The following MTSS2 variants were observed in gnomAD, a reference collection of about 807,000 sequenced individuals.
MTSS2 encodes the protein protein MTSS 2.
In MTSS2, 27 loss-of-function variants were observed where a neutral mutation model predicts 67.1. That is an observed-to-expected ratio of 0.40 (90% CI 0.30 to 0.55). MTSS2 has a LOEUF of 0.55. Among genes scored for constraint, MTSS2 ranks in the 20% least tolerant of loss-of-function variants. The pLI is 0.43. For missense variants in MTSS2, 1,171 were observed against 1,067.8 expected, an observed-to-expected ratio of 1.10 and a Z score of -1.35; for synonymous variants, 624 against 468.6, an observed-to-expected ratio of 1.33 and a Z score of -4.28.
chr16:70,672,341 C>CAAAAAAAAAAAAAA (rs11297993), intron 11 of MTSS2, among the ~76,000 whole-genome samples: 1 of 80,866 alleles, frequency 1.2e-5, no homozygotes. Flanking sequence ...GAGCAAAATT[C>CAAAAAAAAAAAAAA]AAAAAAAAAA....
At chr16:70,667,468 C>CA (rs943059677) in intron 11 of MTSS2, among the ~76,000 whole-genome samples, 14 of 151,858 alleles carry the variant, frequency 9.2e-5, no homozygotes, top group African/African-American at 2.9e-4. Flanking sequence ...CAACACAAAA[C>CA]AAAAAAACAA....
Position 70,685,733 on chromosome 16 carries a change from T to C in MTSS2, c.59A>G (p.Asn20Ser). 7.2e-7 allele frequency: 1 copy of C among 1,381,560 alleles called. No individual in the cohort carries two copies. The highest frequency in any genetic ancestry group is 9.6e-7 in the Non-Finnish European group (1 of 1,047,106). 85.6% of individuals were successfully genotyped at this position (1,381,560 alleles called of 1,614,324 possible). ...CCGCGCCCCGGTTACCTTCATGTCG[T>C]TGACTATGGCCTGGAAGAGCCCGCC... ...ALGGLFQAIVNDMKSSYPIWE... is the reference protein window; with the variant it reads ...ALGGLFQAIVSDMKSSYPIWE... Residue 20 changes from asparagine to serine, a missense_variant, in exon 1 of 15, where the codon AAC becomes AGC. Transcript: ENST00000338779.
rs1167552877 is a variant in MTSS2, at chr16:70,679,658, C to G, written c.429G>C (p.Thr143=). 5 of 1,609,546 alleles carry G rather than the reference C, an allele frequency of 3.1e-6. No individual in the cohort carries two copies. In the Admixed American group the frequency reaches 6.7e-5, roughly 22 times the overall value. The change falls in exon 6 of 15, where the codon ACG becomes ACC. Residue 143 remains threonine, a synonymous_variant. Coordinates refer to ENST00000338779, the MANE Select transcript of MTSS2 (RefSeq NM_138383.3). ...TGCGCGCCTTCTTCTGCAGCTTCAG[C>G]GTGTCCGACGACTTCTTTTTGATCT... ...RHEIKKKSSD[T]LKLQKKARKE...
At chr16:70,682,982 G>A (rs2053346798) in intron 1 of MTSS2, among the ~76,000 whole-genome samples, 3 of 152,226 alleles carry the variant, frequency 2.0e-5, no homozygotes, top group South Asian at 2.1e-4. Context: ...TTACAAAGCA[G>A]GGAGACAAGC....
intron 11 of MTSS2, among the ~76,000 whole-genome samples, chr16:70,669,286 G>A (rs1465096356): frequency 1.3e-5 from 2 of 152,328 alleles, no homozygotes; most frequent in Non-Finnish European, 2.9e-5. Flanking sequence ...ATACTAAAAA[G>A]TTCTATAAAT....
chr16:70,683,531 G>A (rs890086834), intron 1 of MTSS2, among the ~76,000 whole-genome samples: 9 of 152,212 alleles, frequency 5.9e-5, no homozygotes, highest in Admixed American at 2.0e-4. Flanking sequence ...AGCACTGGGT[G>A]GAGGCCCCAT....
At chr16:70,671,696 C>G (rs151301029) in intron 11 of MTSS2, among the ~76,000 whole-genome samples, 1 of 152,280 alleles carries the variant, frequency 6.6e-6, no homozygotes, top group Non-Finnish European at 1.5e-5. Context: ...TATCCCCTCA[C>G]AGGATATTTT....
rs2052479856 is a variant in MTSS2 at position 70,661,721 on chromosome 16, G to GAGTT, written c.*1955_*1956insAACT. 1 of 232,018 alleles carries GAGTT rather than the reference G, an allele frequency of 4.3e-6. No homozygotes were observed. The highest frequency in any genetic ancestry group is 8.5e-6 in the Non-Finnish European group (1 of 117,252). 14.4% of individuals were successfully genotyped at this position (232,018 alleles called of 1,614,324 possible). A position where few individuals can be genotyped will look rare whatever the true frequency, so the allele number is the denominator to read the frequency against. ...GGGCTCACAGGGGAGGGGGACGGCG[G>GAGTT]AGTCGGTGGGGGCTGTGCCACACGA... On this transcript the variant is annotated 3_prime_UTR_variant, in exon 15 of 15. Coordinates refer to ENST00000338779, the MANE Select transcript of MTSS2 (RefSeq NM_138383.3).
chr16:70,661,310 G>A lies in MTSS2; in HGVS notation c.*2367C>T, dbSNP rs1234038441. Reference sequence around the variant, plus strand: ...GGGAGGATGGTGTGGAGGGGGCGGGGAGGAGAGGAGAATTTTTCCAAAATC... The same window carrying A: ...GGGAGGATGGTGTGGAGGGGGCGGGAAGGAGAGGAGAATTTTTCCAAAATC... On this transcript the variant is annotated 3_prime_UTR_variant, in exon 15 of 15. Transcript: ENST00000338779. The A allele has an allele frequency of 8.9e-6, 4 of 451,148 alleles. 1 individual carries two copies. The highest frequency in any genetic ancestry group is 4.7e-5 in the South Asian group (3 of 64,196). The allele number at this position is 451,148 out of a possible 1,614,324, so 27.9% of individuals were successfully genotyped here. A position where few individuals can be genotyped will look rare whatever the true frequency, so the allele number is the denominator to read the frequency against.
Position 70,664,440 on chromosome 16 carries a change from T to G in MTSS2, c.1481A>C (p.Tyr494Ser), listed in dbSNP as rs369156853. 6.5e-7 allele frequency: 1 copy of G among 1,538,036 alleles called. No homozygotes were observed. The highest frequency in any genetic ancestry group is 8.7e-7 in the Non-Finnish European group (1 of 1,143,768). Reference protein sequence around the residue: ...EDTIPSQGSDYDCYSVNGDAD... With the variant: ...EDTIPSQGSDSDCYSVNGDAD... ...ATCCCCATTCACGGAGTAGCAGTCG[T>G]AGTCGGAGCCTGGGGGCACGGGACA... Residue 494 changes from tyrosine to serine, a missense_variant, in exon 15 of 15, where the codon TAC becomes TCC. By Grantham distance (144) the Tyr-to-Ser change is moderately radical. Transcript: ENST00000338779.
chr16:70,671,975 G>C (rs1422146501), intron 11 of MTSS2, among the ~76,000 whole-genome samples: 1 of 152,202 alleles, frequency 6.6e-6, no homozygotes, highest in Non-Finnish European at 1.5e-5. Context: ...AAGTATCAAA[G>C]TCATGAAAAA....
chr16:70,667,054 T>C (rs973401163), intron 11 of MTSS2, among the ~76,000 whole-genome samples: 3 of 152,058 alleles, frequency 2.0e-5, no homozygotes, highest in African/African-American at 4.8e-5. Flanking sequence ...TGCATAAGGA[T>C]CACTTGAGCC....
At chr16:70,675,851 C>T (rs2053100165) in intron 10 of MTSS2, among the ~76,000 whole-genome samples, 1 of 152,226 alleles carries the variant, frequency 6.6e-6, no homozygotes, top group African/African-American at 2.4e-5. Flanking sequence ...CACCATCACC[C>T]TCACTCTCTC....
intron 11 of MTSS2, among the ~76,000 whole-genome samples, chr16:70,669,643 C>T (rs565756940): frequency 1.4e-3 from 210 of 152,126 alleles, no homozygotes; most frequent in Non-Finnish European, 2.5e-3. Flanking sequence ...TGGTGAAACC[C>T]CGTCTCTACT....
In MTSS2 at chr16:70,685,890, C is replaced by T. The variant is rs1365615524; in HGVS notation, c.-99G>A. On this transcript the variant is annotated 5_prime_UTR_variant, in exon 1 of 15. Coordinates refer to ENST00000338779, the MANE Select transcript of MTSS2 (RefSeq NM_138383.3). ...GCCGCGCGGGCGCTCGCTCCGAGGCCGGGCCGGGCCTCCCGCCTCCAGGCT... is the reference window on the plus strand; with the variant it reads ...GCCGCGCGGGCGCTCGCTCCGAGGCTGGGCCGGGCCTCCCGCCTCCAGGCT... 2.7e-5 allele frequency: 15 copies of T among 550,444 alleles called. No homozygotes were observed. Among genetic ancestry groups the T allele is most frequent in the Non-Finnish European group, 3.0e-5 (13 of 433,636 alleles). The allele number at this position is 550,444 out of a possible 1,614,324, so 34.1% of individuals were successfully genotyped here.
rs781390180 is a variant in MTSS2 at position 70,672,309 on chromosome 16, T to C, written c.1053+1997A>G. On this transcript the variant is annotated intron_variant, in intron 11 of 14. Coordinates refer to ENST00000338779, the MANE Select transcript of MTSS2 (RefSeq NM_138383.3). ...TTGCAGTGAGCCGAGATTGCCCCAC[T>C]GCACTCCAGCCTGGGTGATAAGAGC... 9.1e-5 allele frequency among the ~76,000 whole-genome samples: 12 copies of C among 132,406 alleles called. No individual in the cohort carries two copies. In the Admixed American group the frequency reaches 1.1e-3, roughly 12 times the overall value. The allele number at this position is 132,406 out of a possible 152,430, so 86.9% of individuals were successfully genotyped here.
At position 70,663,488 on chromosome 16, in the gene MTSS2, A is replaced by C; in HGVS notation, c.*189T>G. The stretch of plus-strand genomic sequence containing the variant: ...CAGGCCTGCAGGCTCCGTCCTGGCC[A>C]GGCTTGCTAAGAAGTCACTTCCTGT... On this transcript the variant is annotated 3_prime_UTR_variant, in exon 15 of 15. Coordinates refer to ENST00000338779, the MANE Select transcript of MTSS2 (RefSeq NM_138383.3). The C allele has an allele frequency of 3.5e-6, 4 of 1,144,184 alleles. No homozygotes were observed. Among genetic ancestry groups the C allele is most frequent in the Middle Eastern group, 3.0e-4 (1 of 3,312 alleles). The allele number at this position is 1,144,184 out of a possible 1,614,324, so 70.9% of individuals were successfully genotyped here.
At chr16:70,685,666 TC>T in intron 1 of MTSS2, 56 bp downstream of exon 1, 7 of 1,092,322 alleles carry the variant, frequency 6.4e-6, no homozygotes, top group East Asian at 5.5e-5. Flanking sequence ...CCGCCACGCG[TC>T]CCCGGGGGGT....
In MTSS2 at chr16:70,665,459, C is replaced by A. The variant is rs553177379; in HGVS notation, c.1128+7G>T. 1 of 1,552,696 alleles carries A rather than the reference C, an allele frequency of 6.4e-7. No individual in the cohort carries two copies. Among genetic ancestry groups the A allele is most frequent in the Non-Finnish European group, 8.7e-7 (1 of 1,149,606 alleles). Reference sequence around the variant, plus strand: ...GACTGTCCTGGGGCCGGGCTGGGAGCACTGACCGAGGTGGGGGAGCTGCAC... The same window carrying A: ...GACTGTCCTGGGGCCGGGCTGGGAGAACTGACCGAGGTGGGGGAGCTGCAC... On this transcript the variant is annotated splice_region_variant and intron_variant, in intron 12 of 14. Transcript: ENST00000338779.
Sources: gnomAD v4.1 joint callset for allele counts (sites outside exome capture counted in the v4.1 genomes callset) on GRCh38, gnomAD v4.1.1 for gene constraint, MANE v1.5 for transcripts, NCBI Gene and HGNC (gene_info 2026-07-23, HGNC 2026-07-21) for gene names.